Variants in SMYD3 observed in about 807,000 individuals in gnomAD.
SMYD3 encodes histone-lysine N-methyltransferase SMYD3.
SMYD3 carries 36 observed loss-of-function variants against 57.7 expected under a neutral mutation model. That is an observed-to-expected ratio of 0.62 (90% CI 0.48 to 0.82). The LOEUF is 0.82. Ranked by LOEUF, SMYD3 falls within the 40% of genes least tolerant of loss-of-function variation. The pLI is 0.00. For missense variants in SMYD3, 515 were observed against 538.8 expected, an observed-to-expected ratio of 0.96 and a Z score of 0.44; for synonymous variants, 211 against 195.0, an observed-to-expected ratio of 1.08 and a Z score of -0.68.
chr1:246,126,975 A>G (rs914052957), intron 5 of SMYD3, among the ~76,000 whole-genome samples: 9 of 152,182 alleles, frequency 5.9e-5, no homozygotes, highest in African/African-American at 2.2e-4. Context: ...TCCAAAACAC[A>G]TTACAAAGAT....
intron 1 of SMYD3, among the ~76,000 whole-genome samples, chr1:246,454,014 A>C (rs2067666911): frequency 6.6e-6 from 1 of 152,228 alleles, no homozygotes; most frequent in Non-Finnish European, 1.5e-5. Flanking sequence ...GCCCAGTCAA[A>C]TCAGATTAGG....
chr1:246,246,273 T>A (rs1438427065), intron 5 of SMYD3, among the ~76,000 whole-genome samples: 1 of 152,206 alleles, frequency 6.6e-6, no homozygotes, highest in Non-Finnish European at 1.5e-5. Context: ...GTTCTTACGG[T>A]ATGATCCTTG....
intron 5 of SMYD3, among the ~76,000 whole-genome samples, chr1:246,149,607 T>G (rs1037020327): frequency 6.6e-6 from 1 of 152,214 alleles, no homozygotes; most frequent in Non-Finnish European, 1.5e-5. Flanking sequence ...TTTTATTATT[T>G]TAATGAATTC....
intron 5 of SMYD3, among the ~76,000 whole-genome samples, chr1:246,232,462 A>C (rs181423107): frequency 1.3e-5 from 2 of 152,070 alleles, no homozygotes; most frequent in East Asian, 3.9e-4. Flanking sequence ...AGAGAGGAGA[A>C]GCACTCCTTC....
chr1:246,092,200 T>C (rs2060835028), intron 5 of SMYD3, among the ~76,000 whole-genome samples: 1 of 152,172 alleles, frequency 6.6e-6, no homozygotes, highest in South Asian at 2.1e-4. Flanking sequence ...TGAGGGTCAT[T>C]TTAAGTGCTT....
At chr1:246,494,320 T>C (rs962723328) in intron 1 of SMYD3, among the ~76,000 whole-genome samples, 1 of 152,252 alleles carries the variant, frequency 6.6e-6, no homozygotes, top group Non-Finnish European at 1.5e-5. Context: ...TATTCCTCCA[T>C]AGTTGTTATC....
chr1:246,353,436 A>G (rs2065864093), intron 2 of SMYD3, among the ~76,000 whole-genome samples: 4 of 152,188 alleles, frequency 2.6e-5, no homozygotes, highest in Admixed American at 2.0e-4. Context: ...AGGCAGAGGC[A>G]GGGAGACCGC....
rs567947934 is a variant in SMYD3 at position 246,276,540 on chromosome 1, T to C, written c.531+50661A>G. Among the ~76,000 whole-genome samples the C allele has an allele frequency of 4.5e-3, 677 of 151,678 alleles. 4 individuals carry two copies. The highest frequency in any genetic ancestry group is 0.015 in the African/African-American group (622 of 41,288). On this transcript the variant is annotated intron_variant, in intron 5 of 11. Coordinates refer to ENST00000490107, the MANE Select transcript of SMYD3 (RefSeq NM_001167740.2). ...TGTTTTTTACTAGCCGTATTAACAC[T>C]GGCAAGTTATTTAATGTTTCTAGTG...
chr1:245,766,968 G>C (rs2046139741), intron 10 of SMYD3, among the ~76,000 whole-genome samples: 1 of 152,190 alleles, frequency 6.6e-6, no homozygotes, highest in Admixed American at 6.5e-5. Flanking sequence ...TGGGGCTGCT[G>C]ATTGCGGGCC....
At chr1:245,825,044 C>T (rs1017006354) in intron 10 of SMYD3, among the ~76,000 whole-genome samples, 1 of 151,682 alleles carries the variant, frequency 6.6e-6, no homozygotes, top group South Asian at 2.1e-4. Context: ...AGAAAAAAAC[C>T]AAAACAAAAC....
At chr1:246,365,324 A>C (rs1019661935) in intron 1 of SMYD3, among the ~76,000 whole-genome samples, 1 of 132,688 alleles carries the variant, frequency 7.5e-6, no homozygotes, top group Non-Finnish European at 1.7e-5. Context: ...TCATTTCTAC[A>C]AAAAAAAAAA....
At chr1:246,367,396 A>T (rs545039529) in intron 1 of SMYD3, among the ~76,000 whole-genome samples, 2 of 152,324 alleles carry the variant, frequency 1.3e-5, no homozygotes, top group African/African-American at 4.8e-5. Context: ...GATGACAGAA[A>T]TTGTGCATAT....
At chr1:245,959,035 G>A (rs1452818576) in intron 5 of SMYD3, among the ~76,000 whole-genome samples, 1 of 152,120 alleles carries the variant, frequency 6.6e-6, no homozygotes, top group East Asian at 1.9e-4. Flanking sequence ...AGCCTCCCAA[G>A]TAGTTGGGAT....
chr1:246,039,859 G>A (rs1558173771), intron 5 of SMYD3, among the ~76,000 whole-genome samples: 2 of 152,132 alleles, frequency 1.3e-5, no homozygotes, highest in Non-Finnish European at 2.9e-5. Context: ...ACACAGACCA[G>A]GCCCAATAGT....
chr1:246,501,011 C>T (rs893004747), intron 1 of SMYD3, among the ~76,000 whole-genome samples: 2 of 152,214 alleles, frequency 1.3e-5, no homozygotes, highest in Admixed American at 1.3e-4. Context: ...TATTTCAAAT[C>T]CTAGACCCAT....
intron 10 of SMYD3, among the ~76,000 whole-genome samples, chr1:245,804,556 T>C (rs2048046888): frequency 6.6e-6 from 1 of 152,138 alleles, no homozygotes; most frequent in Non-Finnish European, 1.5e-5. Flanking sequence ...AGACTCCGTC[T>C]CAAAACAAAA....
At chr1:245,951,825 T>A (rs1380923356) in intron 5 of SMYD3, among the ~76,000 whole-genome samples, 1 of 152,122 alleles carries the variant, frequency 6.6e-6, no homozygotes, top group Admixed American at 6.5e-5. Flanking sequence ...ATATACAGAT[T>A]TAATTAGTTA....
chr1:245,921,359 A>G (rs996255207), intron 7 of SMYD3, among the ~76,000 whole-genome samples: 2 of 152,160 alleles, frequency 1.3e-5, no homozygotes, highest in Non-Finnish European at 2.9e-5. Context: ...CCACTGTTGA[A>G]AGCAGTTTGG....
intron 7 of SMYD3, among the ~76,000 whole-genome samples, chr1:245,924,226 G>T (rs1264096696): frequency 1.3e-5 from 2 of 152,024 alleles, no homozygotes; most frequent in African/African-American, 4.8e-5. Flanking sequence ...TTTTGAAAAG[G>T]TAGCCATCAG....
Sources: gnomAD v4.1 joint callset for allele counts (sites outside exome capture counted in the v4.1 genomes callset) on GRCh38, gnomAD v4.1.1 for gene constraint, MANE v1.5 for transcripts, NCBI Gene and HGNC (gene_info 2026-07-23, HGNC 2026-07-21) for gene names.